The following LILRA4 variants were observed in gnomAD, a reference collection of about 807,000 sequenced individuals.
LILRA4 encodes leukocyte immunoglobulin-like receptor subfamily A member 4.
LILRA4 carries 51 observed loss-of-function variants against 49.5 expected under a neutral mutation model. The observed-to-expected ratio is 1.03, with a 90% CI of 0.82 to 1.30. The LOEUF (loss-of-function observed/expected upper bound fraction) is 1.30. LILRA4 is among the 50% of genes most tolerant of loss of function. The pLI, the probability that LILRA4 is intolerant of heterozygous loss-of-function variation, is 0.00. For missense variants in LILRA4, 624 were observed against 625.6 expected (o/e 1.00, Z 0.03); for synonymous variants, 272 against 265.6 (o/e 1.02, Z -0.23).
At chr19:54,334,238 G>C in intron 6 of LILRA4, 1 of 464,196 alleles carries the variant, frequency 2.2e-6, no homozygotes, top group Non-Finnish European at 3.8e-6. Context: ...CCCCCAACTA[G>C]AAAGAATTGA....
At chr19:54,337,767 T>G (rs1243225695) in intron 4 of LILRA4, 71 bp from the exon 5 acceptor site, 35 of 1,519,556 alleles carry the variant, frequency 2.3e-5, no homozygotes, top group Non-Finnish European at 3.1e-5. Context: ...GTAGCCTTCC[T>G]CACTAGGGTT....
chr19:54,334,233 A>C (rs1354877994), intron 6 of LILRA4: 2 of 472,274 alleles, frequency 4.2e-6, no homozygotes, highest in African/African-American at 1.9e-5. Flanking sequence ...ATGATCCCCC[A>C]ACTAGAAAGA....
Position 54,333,934 on chromosome 19 carries a change from C to G in LILRA4, c.1287G>C (p.Lys429Asn). The G allele has an allele frequency of 1.9e-6, 3 of 1,614,098 alleles. No homozygotes were observed. The highest frequency in any genetic ancestry group is 2.5e-6 in the Non-Finnish European group (3 of 1,179,962). ...GATETLNPAQ[K>N]KSDSKTAPHL... is the part of the protein sequence containing the mutation. ...ACTCACCAGTCTTGGAATCTGACTT[C>G]TTTTGTGCTGGATTGAGGGTCTCAG... is the stretch of plus-strand genomic sequence containing the variant. Residue 429 changes from lysine to asparagine, a missense_variant, in exon 7 of 8, where the codon AAG (lysine) becomes AAC (asparagine). Transcript: ENST00000291759.
At chr19:54,334,954 G>A (rs961933439) in intron 6 of LILRA4, 7 of 151,370 alleles carry the variant, frequency 4.6e-5, no homozygotes, top group Admixed American at 6.6e-5. Context: ...CAGCCTGGGC[G>A]ACAGAGTGAG....
intron 5 of LILRA4, 90 bp downstream of exon 5, chr19:54,337,310 C>T (rs2081336317): frequency 5.8e-6 from 9 of 1,562,590 alleles, no homozygotes; most frequent in African/African-American, 1.4e-5. Flanking sequence ...AGGACCCCCA[C>T]CCCTCATCCC....
rs2081288891 is a variant in LILRA4, at chr19:54,333,187, A to G, written c.*385T>C. On this transcript the variant is annotated 3_prime_UTR_variant, in exon 8 of 8. Transcript: ENST00000291759. ...CTTAAATTTTCCAAACACGAATCTG[A>G]TTTTTGCCCATGGATTTAATTATCA... 1 of 213,352 alleles carries G rather than the reference A, an allele frequency of 4.7e-6. No individual in the cohort carries two copies. Among genetic ancestry groups the G allele is most frequent in the Non-Finnish European group, 9.1e-6 (1 of 109,654 alleles). 13.2% of individuals were successfully genotyped at this position (213,352 alleles called of 1,614,324 possible).
At position 54,333,543 on chromosome 19, in the gene LILRA4, C is replaced by A. The variant is rs759677050; in HGVS notation, c.*29G>T. The A allele has an allele frequency of 1.9e-6, 3 of 1,607,908 alleles. No individual in the cohort carries two copies. The highest frequency in any genetic ancestry group is 1.7e-5 in the Admixed American group (1 of 59,260). On this transcript the variant is annotated 3_prime_UTR_variant, in exon 8 of 8. Transcript: ENST00000291759. ...TCAGCAGACACTTCCCCAACTGCTG[C>A]CCCAGTCTTCCAGAACCTCCTCAGA...
intron 6 of LILRA4, 44 bp from the exon 7 acceptor site, chr19:54,334,009 C>G: frequency 6.6e-7 from 1 of 1,516,950 alleles, no homozygotes; most frequent in Non-Finnish European, 9.2e-7. Flanking sequence ...GCTGAAGAGC[C>G]TCTCCCCTGG....
intron 2 of LILRA4, 51 bp downstream of exon 2, chr19:54,338,815 C>A (rs1194779358): frequency 2.5e-6 from 4 of 1,612,476 alleles, no homozygotes; most frequent in East Asian, 2.2e-5. Context: ...AGGGGTGGTC[C>A]CTTGTCCCCA....
At chr19:54,334,546 T>C (rs948079126) in intron 6 of LILRA4, 2 of 152,294 alleles carry the variant, frequency 1.3e-5, no homozygotes, top group African/African-American at 4.8e-5. Context: ...AATATGAAAA[T>C]GTATTCTTTT....
Position 54,338,469 on chromosome 19 carries a change from C to T in LILRA4, c.282G>A (p.Gly94=), listed in dbSNP as rs767775990. 25 of 1,614,030 alleles carry T rather than the reference C, an allele frequency of 1.5e-5. No homozygotes were observed. The highest frequency in any genetic ancestry group is 2.0e-5 in the Non-Finnish European group (24 of 1,180,024). ...SIPSMMWEHA[G]RYHCYYQSPA... Reference sequence around the variant, plus strand: ...GGCTCTGATAGTAACAGTGATATCGCCCTGCATGTTCCCACATCATGGATG... The same window carrying T: ...GGCTCTGATAGTAACAGTGATATCGTCCTGCATGTTCCCACATCATGGATG... Residue 94 remains glycine, a synonymous_variant, in exon 3 of 8, where the codon GGG becomes GGA. Coordinates refer to ENST00000291759, the MANE Select transcript of LILRA4 (RefSeq NM_012276.5).
At position 54,339,121 on chromosome 19, in the gene LILRA4, T is replaced by G; in HGVS notation, c.-28A>C. 1 of 1,614,064 alleles carries G rather than the reference T, an allele frequency of 6.2e-7. No homozygotes were observed. Among genetic ancestry groups the G allele is most frequent in the Non-Finnish European group, 8.5e-7 (1 of 1,179,926 alleles). On this transcript the variant is annotated 5_prime_UTR_variant, in exon 1 of 8. Coordinates refer to ENST00000291759, the MANE Select transcript of LILRA4 (RefSeq NM_012276.5). Reference sequence around the variant, plus strand: ...CATCTCCTCCTCCTGGCCCTGGCTGTGCAGGCAGGTGTGGCCACGGTGCCC... The same window carrying G: ...CATCTCCTCCTCCTGGCCCTGGCTGGGCAGGCAGGTGTGGCCACGGTGCCC...
intron 7 of LILRA4, 59 bp downstream of exon 7, chr19:54,333,856 C>T (rs966253391): frequency 1.9e-6 from 3 of 1,611,254 alleles, no homozygotes; most frequent in Non-Finnish European, 1.7e-6. Context: ...CCCACCTCCC[C>T]TTGACAGGAC....
At position 54,338,652 on chromosome 19, in the gene LILRA4, G is replaced by A. The variant is rs773049476; in HGVS notation, c.99C>T (p.Ala33=). The A allele has an allele frequency of 1.5e-5, 25 of 1,613,044 alleles. No homozygotes were observed. The Middle Eastern group carries it at 9.9e-4, about 64-fold the overall frequency. The change falls in exon 3 of 8, where the codon GCC becomes GCT. Residue 33 remains alanine (A), a synonymous_variant. Transcript: ENST00000291759. ...GCCAGGTGATCACGGGACCTGGCTC[G>A]GCCCACAGGATGGGTTTGAGTAGGT... ...AENLLKPILW[A]EPGPVITWHN... is the part of the protein sequence containing the mutation.
rs758604907 is a variant in LILRA4, at chr19:54,337,572, G to A, written c.780C>T (p.Ala260=). The change falls in exon 5 of 8, where the codon GCC becomes GCT. Residue 260 remains alanine, a synonymous_variant. Transcript: ENST00000291759. ...YIRYTLYKEG[A]DGLPQRPGRQ... is the part of the protein sequence containing the mutation. ...GGCCAGGGCGCTGGGGGAGGCCATC[G>A]GCCCCCTCCTTGTACAGAGTGTATC... 5.3e-5 allele frequency: 85 copies of A among 1,610,220 alleles called. 1 individual carries two copies. The East Asian group carries it at 1.1e-3, about 21-fold the overall frequency.
At chr19:54,336,628 TC>T in intron 6 of LILRA4, 2 of 777,548 alleles carry the variant, frequency 2.6e-6, no homozygotes, top group Non-Finnish European at 4.0e-6. Flanking sequence ...CTGTGGACCC[TC>T]CCCCTTCACT....
chr19:54,337,046 C>A lies in LILRA4; in HGVS notation c.1050G>T (p.Met350Ile). 2 of 1,613,912 alleles carry A rather than the reference C, an allele frequency of 1.2e-6. No individual in the cohort carries two copies. Among genetic ancestry groups the A allele is most frequent in the Middle Eastern group, 1.6e-4 (1 of 6,084 alleles). ...CCTCCTTGGTCAGAAGGAAAGTGAACATCGGGTCCCATGACTGACACAGCA... is the reference window on the plus strand; with the variant it reads ...CCTCCTTGGTCAGAAGGAAAGTGAAAATCGGGTCCCATGACTGACACAGCA... ...VTLLCQSWDP[M>I]FTFLLTKEGA... Residue 350 changes from methionine (M) to isoleucine (I), a missense_variant, in exon 6 of 8, where the codon ATG (methionine) becomes ATT (isoleucine). Coordinates refer to ENST00000291759, the MANE Select transcript of LILRA4 (RefSeq NM_012276.5).
At position 54,339,113 on chromosome 19, in the gene LILRA4, C is replaced by T. The variant is rs1297614479; in HGVS notation, c.-20G>A. ...GGTCATGGCATCTCCTCCTCCTGGCCCTGGCTGTGCAGGCAGGTGTGGCCA... is the reference window on the plus strand; with the variant it reads ...GGTCATGGCATCTCCTCCTCCTGGCTCTGGCTGTGCAGGCAGGTGTGGCCA... On this transcript the variant is annotated 5_prime_UTR_variant, in exon 1 of 8. Transcript: ENST00000291759. The T allele has an allele frequency of 9.9e-6, 16 of 1,614,060 alleles. No homozygotes were observed. Among genetic ancestry groups the T allele is most frequent in the African/African-American group, 2.7e-5 (2 of 74,920 alleles).
chr19:54,337,018 C>CCCCCTCCT lies in LILRA4; in HGVS notation c.1070_1077dup (p.Ala360ArgfsTer11). On this transcript the variant is annotated frameshift_variant, in exon 6 of 8. Coordinates refer to ENST00000291759, the MANE Select transcript of LILRA4 (RefSeq NM_012276.5). LOFTEE classifies it high-confidence loss of function. ...CTCAGACGCAACGGGGGATGGGCTG[C>CCCCCTCCT]CCCCTCCTTGGTCAGAAGGAAAGTG... 6.2e-7 allele frequency: 1 copy of CCCCCTCCT among 1,614,140 alleles called. No homozygotes were observed. The highest frequency in any genetic ancestry group is 8.5e-7 in the Non-Finnish European group (1 of 1,179,994).
Sources: allele counts gnomAD v4.1 joint callset, GRCh38; gene constraint gnomAD v4.1.1; transcripts MANE v1.5; gene names NCBI Gene and HGNC (gene_info 2026-07-23, HGNC 2026-07-21).